PKP4: variants seen among roughly 807,000 people sequenced by gnomAD.
PKP4 encodes the protein plakophilin 4, also known as plakophilin-4.
A neutral mutation model predicts 145.1 loss-of-function variants in PKP4; 90 were observed. The observed-to-expected ratio is 0.62, with a 90% CI of 0.52 to 0.74. The LOEUF (loss-of-function observed/expected upper bound fraction) is 0.74, where lower values mean the gene tolerates loss of function less well. Among genes scored for constraint, PKP4 ranks in the 30% least tolerant of loss-of-function variants. PKP4 has a pLI of 0.00. For synonymous variants in PKP4, 563 were observed against 577.2 expected (o/e 0.98, Z 0.35); for missense variants, 1,340 against 1,482.7 (o/e 0.90, Z 1.58).
At chr2:158,535,648 G>A (rs2043972238) in intron 2 of PKP4, among the ~76,000 whole-genome samples, 1 of 152,074 alleles carries the variant, frequency 6.6e-6, no homozygotes. Flanking sequence ...TTGAACTCCT[G>A]GCCGCATGCA....
At chr2:158,629,225 C>T (rs1161948307) in intron 7 of PKP4, among the ~76,000 whole-genome samples, 1 of 152,116 alleles carries the variant, frequency 6.6e-6, no homozygotes, top group Non-Finnish European at 1.5e-5. Flanking sequence ...GCTTACCTTC[C>T]TCTTTAACCT....
intron 3 of PKP4, among the ~76,000 whole-genome samples, chr2:158,599,540 G>C (rs2050053538): frequency 6.6e-6 from 1 of 152,226 alleles, no homozygotes; most frequent in South Asian, 2.1e-4. Context: ...TACATATCCA[G>C]TATGCAGTTG....
intron 1 of PKP4, among the ~76,000 whole-genome samples, chr2:158,494,682 T>G (rs534119492): frequency 3.3e-5 from 5 of 152,344 alleles, no homozygotes; most frequent in African/African-American, 1.2e-4. Flanking sequence ...ATGGTTCTTT[T>G]AATTTGTAAG....
intron 4 of PKP4, among the ~76,000 whole-genome samples, chr2:158,605,548 A>G (rs913805489): frequency 6.6e-6 from 1 of 152,138 alleles, no homozygotes; most frequent in African/African-American, 2.4e-5. Context: ...TTTGGCACAC[A>G]TGCATGTGAA....
chr2:158,460,000 C>CT (rs1216442956), intron 1 of PKP4, among the ~76,000 whole-genome samples: 1 of 152,112 alleles, frequency 6.6e-6, no homozygotes, highest in Non-Finnish European at 1.5e-5. Flanking sequence ...TCCCCACCCC[C>CT]TACTATTATG....
chr2:158,676,724 T>C lies in PKP4; in HGVS notation c.3128-15T>C, dbSNP rs1489880652. 6 of 1,614,018 alleles carry C rather than the reference T, an allele frequency of 3.7e-6. No individual in the cohort carries two copies. The African/African-American group carries it at 6.7e-5, about 18-fold the overall frequency. On this transcript the variant is annotated splice_polypyrimidine_tract_variant and intron_variant, in intron 19 of 21. Coordinates refer to ENST00000389759, the MANE Select transcript of PKP4 (RefSeq NM_003628.6). ...TTCTACCCCTCTTTCTCTCCTCCTT[T>C]GCCTCTCCCTTCAGTCGGCAGCACC...
chr2:158,496,988 AT>A (rs1444184288), intron 1 of PKP4, among the ~76,000 whole-genome samples: 1 of 152,042 alleles, frequency 6.6e-6, no homozygotes, highest in African/African-American at 2.4e-5. Context: ...CCACTAACAG[AT>A]TTTTTTCTAT....
intron 2 of PKP4, among the ~76,000 whole-genome samples, chr2:158,536,728 G>A (rs904362464): frequency 6.6e-6 from 1 of 152,186 alleles, no homozygotes; most frequent in African/African-American, 2.4e-5. Flanking sequence ...ACCTCTCACA[G>A]TGGTATCAGT....
chr2:158,658,609 A>T (rs58540852), intron 12 of PKP4: 13,624 of 268,384 alleles, frequency 0.051, 1,076 homozygotes, highest in African/African-American at 0.21. Flanking sequence ...TTTTTCTGGT[A>T]ATCGCATTCT....
At chr2:158,600,424 T>G (rs746335206) in intron 3 of PKP4, among the ~76,000 whole-genome samples, 37 of 152,138 alleles carry the variant, frequency 2.4e-4, no homozygotes, top group Non-Finnish European at 4.6e-4. Flanking sequence ...ACAGACACAT[T>G]GTAGCCATTC....
chr2:158,517,980 T>A (rs1005368464), intron 1 of PKP4, among the ~76,000 whole-genome samples: 2 of 152,182 alleles, frequency 1.3e-5, no homozygotes, highest in African/African-American at 4.8e-5. Flanking sequence ...AAAATAAGTT[T>A]AAAATTTTTT....
chr2:158,471,021 A>G (rs1691485151), intron 1 of PKP4, among the ~76,000 whole-genome samples: 1 of 152,182 alleles, frequency 6.6e-6, no homozygotes, highest in Admixed American at 6.5e-5. Context: ...GCTTGCTACA[A>G]ACACAGCTTC....
intron 15 of PKP4, among the ~76,000 whole-genome samples, chr2:158,665,206 G>C (rs556273058): frequency 8.0e-4 from 122 of 152,306 alleles, no homozygotes; most frequent in Non-Finnish European, 1.5e-3. Context: ...GCTGGGCTGG[G>C]CTGGTAGGTC....
At chr2:158,498,256 G>T (rs1183260266) in intron 1 of PKP4, among the ~76,000 whole-genome samples, 2 of 152,084 alleles carry the variant, frequency 1.3e-5, no homozygotes, top group African/African-American at 4.8e-5. Context: ...CCAAGTAGCT[G>T]GGAATACAGG....
chr2:158,531,337 A>C (rs967544427), intron 1 of PKP4, among the ~76,000 whole-genome samples: 1 of 151,942 alleles, frequency 6.6e-6, no homozygotes, highest in Non-Finnish European at 1.5e-5. Flanking sequence ...TGACATTTAA[A>C]ATTTTTGGTT....
intron 1 of PKP4, among the ~76,000 whole-genome samples, chr2:158,466,798 A>G (rs1313447095): frequency 6.6e-6 from 1 of 152,238 alleles, no homozygotes; most frequent in African/African-American, 2.4e-5. Flanking sequence ...ATGAGTTTTC[A>G]TAATGCTCTT....
chr2:158,657,463 G>A (rs1182305610), intron 11 of PKP4, among the ~76,000 whole-genome samples: 1 of 152,100 alleles, frequency 6.6e-6, no homozygotes, highest in African/African-American at 2.4e-5. Flanking sequence ...TTCCAAAAAG[G>A]AATGACAGTA....
Position 158,663,077 on chromosome 2 carries a change from CA to C in PKP4, c.2394del (p.Glu799LysfsTer29). 1 of 1,604,114 alleles carries C rather than the reference CA, an allele frequency of 6.2e-7. No individual in the cohort carries two copies. Among genetic ancestry groups the C allele is most frequent in the South Asian group, 1.1e-5 (1 of 89,882 alleles). On this transcript the variant is annotated frameshift_variant, in exon 14 of 22. Transcript: ENST00000389759. LOFTEE classifies it high-confidence loss of function. ...GAAGAAAAAGAAAAAGAGGACTCCG[CA>C]AGAAGATCAAGTTAGCATTTTATTT... Reference protein sequence around the residue: ...KKKKKKKRTPQEDQWDGVGPI... With the variant: ...KKKKKKKRTPXEDQWDGVGPI...
chr2:158,612,715 C>A (rs2051247152), intron 4 of PKP4, among the ~76,000 whole-genome samples: 1 of 152,062 alleles, frequency 6.6e-6, no homozygotes. Context: ...TCAAATTTCT[C>A]TATATCATAA....
Sources: allele counts gnomAD v4.1 joint callset (sites outside exome capture counted in the v4.1 genomes callset), GRCh38; gene constraint gnomAD v4.1.1; transcripts MANE v1.5; gene names NCBI Gene and HGNC (gene_info 2026-07-23, HGNC 2026-07-21).